HEY2: variants seen among roughly 807,000 people sequenced by gnomAD.
HEY2 encodes the protein hairy/enhancer-of-split related with YRPW motif protein 2.
A neutral mutation model predicts 18.1 loss-of-function variants in HEY2; 10 were observed. That is an observed-to-expected ratio of 0.55 (90% confidence interval 0.34 to 0.94). HEY2 has a LOEUF of 0.94. Ranked by LOEUF, HEY2 falls within the 40% of genes least tolerant of loss-of-function variation. HEY2 has a pLI of 0.02. For missense variants in HEY2, 455 were observed against 455.9 expected (o/e 1.00, Z 0.02); for synonymous variants, 210 against 182.7 (o/e 1.15, Z -1.21).
intron 4 of HEY2, among the ~76,000 whole-genome samples, chr6:125,758,663 A>G (rs1773716682): frequency 6.6e-6 from 1 of 152,206 alleles, no homozygotes; most frequent in African/African-American, 2.4e-5. Flanking sequence ...CCAAGAGAGT[A>G]AAGATGTTTC....
chr6:125,758,486 C>T (rs1773712020), intron 4 of HEY2, among the ~76,000 whole-genome samples: 1 of 152,062 alleles, frequency 6.6e-6, no homozygotes, highest in Non-Finnish European at 1.5e-5. Flanking sequence ...TTTTTAAAAA[C>T]TCATTTTGTT....
chr6:125,751,993 C>T lies in HEY2; in HGVS notation c.163-14C>T. On this transcript the variant is annotated splice_polypyrimidine_tract_variant and intron_variant, in intron 2 of 4. Coordinates refer to ENST00000368364, the MANE Select transcript of HEY2 (RefSeq NM_012259.3). ...TGAATTCATAAACTTTTGTTGTTTG[C>T]TTCTTTTGGATAGATTATAGAGAAA... The T allele has an allele frequency of 3.1e-6, 5 of 1,609,420 alleles. No individual in the cohort carries two copies. The highest frequency in any genetic ancestry group is 4.3e-6 in the Non-Finnish European group (5 of 1,176,280).
intron 1 of HEY2, among the ~76,000 whole-genome samples, chr6:125,751,400 A>G (rs1773540310): frequency 6.6e-6 from 1 of 152,222 alleles, no homozygotes; most frequent in African/African-American, 2.4e-5. Flanking sequence ...TGATTTGAAA[A>G]AGTGGCATTA....
Position 125,751,785 on chromosome 6 carries a change from T to A in HEY2, c.84-16T>A, listed in dbSNP as rs1480188898. The A allele has an allele frequency of 6.4e-7, 1 of 1,570,698 alleles. No homozygotes were observed. Among genetic ancestry groups the A allele is most frequent in the Non-Finnish European group, 8.7e-7 (1 of 1,143,452 alleles). On this transcript the variant is annotated splice_polypyrimidine_tract_variant and intron_variant, in intron 1 of 4. Coordinates refer to ENST00000368364, the MANE Select transcript of HEY2 (RefSeq NM_012259.3). ...TATGTTAATGCAGCACCTGACATACTCTTCTTATTTCATAGGCAAAGTACT... is the reference window on the plus strand; with the variant it reads ...TATGTTAATGCAGCACCTGACATACACTTCTTATTTCATAGGCAAAGTACT...
intron 4 of HEY2, among the ~76,000 whole-genome samples, chr6:125,755,251 G>C (rs1773632106): frequency 6.6e-6 from 1 of 152,282 alleles, no homozygotes. Flanking sequence ...GAGGTGGTGA[G>C]AGAGGATCTC....
intron 4 of HEY2, among the ~76,000 whole-genome samples, chr6:125,757,176 G>A (rs930118278): frequency 5.3e-5 from 8 of 152,098 alleles, no homozygotes; most frequent in South Asian, 2.1e-4. Flanking sequence ...CCTAAGTTTC[G>A]AAATCCCTCT....
In HEY2 at chr6:125,759,503, C is replaced by A. The variant is rs950219061; in HGVS notation, c.715C>A (p.Arg239=). ...ATFAHADSAL[R]MPSTGSVAPC... ...GTTTGCCCATGCGGATTCAGCCCTC[C>A]GAATGCCATCCACGGGCAGCGTCGC... The change falls in exon 5 of 5, where the codon CGA becomes AGA. Residue 239 remains arginine (R), a synonymous_variant. Transcript: ENST00000368364. The A allele has an allele frequency of 6.2e-7, 1 of 1,611,374 alleles. No individual in the cohort carries two copies. Among genetic ancestry groups the A allele is most frequent in the African/African-American group, 1.3e-5 (1 of 75,060 alleles).
Position 125,759,463 on chromosome 6 carries a change from T to C in HEY2, c.675T>C (p.Ala225=). 1 of 1,611,488 alleles carries C rather than the reference T, an allele frequency of 6.2e-7. No individual in the cohort carries two copies. The highest frequency in any genetic ancestry group is 8.5e-7 in the Non-Finnish European group (1 of 1,179,932). ...AAGTGCCTCCTGCCCACGGCTCTGC[T>C]CTCCTCACGGCCACGTTTGCCCATG... The part of the protein sequence containing the change: ...TSEVPPAHGS[A]LLTATFAHAD... The change falls in exon 5 of 5, where the codon GCT becomes GCC. Residue 225 remains alanine, a synonymous_variant. Transcript: ENST00000368364.
Position 125,759,396 on chromosome 6 carries a change from A to T in HEY2, c.608A>T (p.His203Leu). The T allele has an allele frequency of 6.2e-7, 1 of 1,609,518 alleles. No homozygotes were observed. The highest frequency in any genetic ancestry group is 8.5e-7 in the Non-Finnish European group (1 of 1,178,564). ...PAALLQPNGL[H>L]ASESTPCRLS... ...GCCCTGCTCCAGCCCAACGGCCTCCATGCCTCAGAGTCAACCCCTTGTCGC... is the reference window on the plus strand; with the variant it reads ...GCCCTGCTCCAGCCCAACGGCCTCCTTGCCTCAGAGTCAACCCCTTGTCGC... Residue 203 changes from histidine to leucine, a missense_variant, in exon 5 of 5, where the codon CAT (histidine) becomes CTT (leucine). Physicochemically the swap from His to Leu is moderately conservative, Grantham distance 99. Transcript: ENST00000368364.
chr6:125,756,437 C>T (rs1773658503), intron 4 of HEY2, among the ~76,000 whole-genome samples: 1 of 152,102 alleles, frequency 6.6e-6, no homozygotes, highest in Non-Finnish European at 1.5e-5. Context: ...CATGGTGGTG[C>T]ATGCCTGTAA....
At position 125,758,454 on chromosome 6, in the gene HEY2, C is replaced by T. The variant is rs1773711138; in HGVS notation, c.329-663C>T. On this transcript the variant is annotated intron_variant, in intron 4 of 4. Coordinates refer to ENST00000368364, the MANE Select transcript of HEY2 (RefSeq NM_012259.3). ...TATATTACTGACAGAAATATAAGATCTTCAAGTAAGAAACCAAATTTTTTT... is the reference window on the plus strand; with the variant it reads ...TATATTACTGACAGAAATATAAGATTTTCAAGTAAGAAACCAAATTTTTTT... 2.0e-5 allele frequency among the ~76,000 whole-genome samples: 3 copies of T among 152,142 alleles called. No individual in the cohort carries two copies. The South Asian group carries it at 6.2e-4, about 32-fold the overall frequency.
At position 125,749,675 on chromosome 6, in the gene HEY2, C is replaced by G; in HGVS notation, c.-102C>G. 1.4e-6 allele frequency: 1 copy of G among 727,812 alleles called. No individual in the cohort carries two copies. The highest frequency in any genetic ancestry group is 2.3e-5 in the South Asian group (1 of 43,704). 45.1% of individuals were successfully genotyped at this position (727,812 alleles called of 1,614,324 possible). A position where few individuals can be genotyped will look rare whatever the true frequency, so the allele number is the denominator to read the frequency against. On this transcript the variant is annotated 5_prime_UTR_variant, in exon 1 of 5. Transcript: ENST00000368364. The stretch of plus-strand genomic sequence containing the variant: ...AGACCGCGCCGCCGCCGGAGCCGCG[C>G]CTGCCCAGGCCCGGGGAGGGAGGAG...
intron 4 of HEY2, among the ~76,000 whole-genome samples, chr6:125,756,797 T>C (rs769188319): frequency 6.6e-6 from 1 of 152,198 alleles, no homozygotes; most frequent in Non-Finnish European, 1.5e-5. Flanking sequence ...GTAGTGTCCA[T>C]ACTATATAAC....
chr6:125,756,167 T>C (rs1472537440), intron 4 of HEY2, among the ~76,000 whole-genome samples: 1 of 152,176 alleles, frequency 6.6e-6, no homozygotes, highest in Non-Finnish European at 1.5e-5. Context: ...AGTCCTAAAA[T>C]TTGTCCCAGA....
rs1195272694 is a variant in HEY2, at chr6:125,761,098, AC to A, written c.*1297del. The stretch of plus-strand genomic sequence containing the variant: ...CATGTATTATGCACTTCATTTCTCT[AC>A]TGTGTGGAGAAAGCAATAAACATTA... On this transcript the variant is annotated 3_prime_UTR_variant, in exon 5 of 5. Transcript: ENST00000368364. 1 of 152,632 alleles carries A rather than the reference AC, an allele frequency of 6.6e-6. No individual in the cohort carries two copies. Among genetic ancestry groups the A allele is most frequent in the Non-Finnish European group, 1.5e-5 (1 of 68,038 alleles). 9.5% of individuals were successfully genotyped at this position (152,632 alleles called of 1,614,324 possible). A position where few individuals can be genotyped will look rare whatever the true frequency, so the allele number is the denominator to read the frequency against.
chr6:125,759,589 A>C lies in HEY2; in HGVS notation c.801A>C (p.Ala267=), dbSNP rs751356539. 12 of 1,610,248 alleles carry C rather than the reference A, an allele frequency of 7.5e-6. No homozygotes were observed. The highest frequency in any genetic ancestry group is 1.0e-5 in the Non-Finnish European group (12 of 1,179,752). The change falls in exon 5 of 5, where the codon GCA becomes GCC. Residue 267 remains alanine, a synonymous_variant. Transcript: ENST00000368364. ...LLSLSATVHA[A]AAAATAAAHS... ...CCCTCTCTGCCACCGTCCACGCCGC[A>C]GCCGCAGCAGCCACCGCGGCTGCAC...
Position 125,749,723 on chromosome 6 carries a change from C to T in HEY2, c.-54C>T. ...GAGGCGGGCGTCAGGGTGCTGCGCC[C>T]CGCTCGGCGTCCGAGCTTCCGGCCG... On this transcript the variant is annotated 5_prime_UTR_variant, in exon 1 of 5. Transcript: ENST00000368364. 5 of 1,433,484 alleles carry T rather than the reference C, an allele frequency of 3.5e-6. No individual in the cohort carries two copies. Among genetic ancestry groups the T allele is most frequent in the Admixed American group, 2.0e-5 (1 of 49,820 alleles). 88.8% of individuals were successfully genotyped at this position (1,433,484 alleles called of 1,614,324 possible). A position where few individuals can be genotyped will look rare whatever the true frequency, so the allele number is the denominator to read the frequency against.
Position 125,759,689 on chromosome 6 carries a change from A to G in HEY2, c.901A>G (p.Thr301Ala). ...PNAAAAVAAA[T>A]AISPPLSVSA... ...CGCAGCAGCAGCAGTGGCCGCGGCCACAGCCATCAGCCCGCCCTTGTCAGT... is the reference window on the plus strand; with the variant it reads ...CGCAGCAGCAGCAGTGGCCGCGGCCGCAGCCATCAGCCCGCCCTTGTCAGT... Residue 301 changes from threonine to alanine, a missense_variant, in exon 5 of 5, where the codon ACA becomes GCA. By Grantham distance (58) the Thr-to-Ala change is moderately conservative (BLOSUM62 0). Coordinates refer to ENST00000368364, the MANE Select transcript of HEY2 (RefSeq NM_012259.3). 2 of 1,612,946 alleles carry G rather than the reference A, an allele frequency of 1.2e-6. No individual in the cohort carries two copies. Among genetic ancestry groups the G allele is most frequent in the Non-Finnish European group, 1.7e-6 (2 of 1,180,016 alleles).
chr6:125,752,972 A>G (rs1267252225), intron 3 of HEY2, among the ~76,000 whole-genome samples: 1 of 152,252 alleles, frequency 6.6e-6, no homozygotes, highest in Non-Finnish European at 1.5e-5. Context: ...AGTCCTTGGA[A>G]ATTATCCAGA....
Sources: allele counts gnomAD v4.1 joint callset (sites outside exome capture counted in the v4.1 genomes callset), GRCh38; gene constraint gnomAD v4.1.1; transcripts MANE v1.5; gene names NCBI Gene and HGNC (gene_info 2026-07-23, HGNC 2026-07-21).